C20orf144: variants seen among roughly 807,000 people sequenced by gnomAD.
C20orf144 encodes chromosome 20 open reading frame 144.
C20orf144 carries 8 observed loss-of-function variants against 3.8 expected under a neutral mutation model. The observed-to-expected ratio is 2.11, with a 90% CI of 1.24 to 3.80. C20orf144 has a LOEUF of 3.80. C20orf144 is among the 30% of genes most tolerant of loss of function. The probability of loss-of-function intolerance (pLI) is 0.00; values close to 1 mark genes in which losing one functional copy is unlikely to be tolerated. For synonymous variants in C20orf144, 126 were observed against 104.1 expected, an observed-to-expected ratio of 1.21 and a Z score of -1.28; for missense variants, 289 against 224.5, an observed-to-expected ratio of 1.29 and a Z score of -1.83.
At position 33,663,561 on chromosome 20, in the gene C20orf144, C is replaced by G; in HGVS notation, c.156C>G (p.Asp52Glu). 1 of 1,611,184 alleles carries G rather than the reference C, an allele frequency of 6.2e-7. No homozygotes were observed. Among genetic ancestry groups the G allele is most frequent in the Non-Finnish European group, 8.5e-7 (1 of 1,179,640 alleles). ...ATRIVLILPL[D>E]KRQPLANAGQ... Reference sequence around the variant, plus strand: ...GGATCGTGCTGATTCTCCCCCTGGACAAGCGGCAGCCGCTGGCCAACGCTG... The same window carrying G: ...GGATCGTGCTGATTCTCCCCCTGGAGAAGCGGCAGCCGCTGGCCAACGCTG... The change falls in exon 2 of 2, where the codon GAC becomes GAG. Residue 52 changes from aspartate to glutamate, a missense_variant. Transcript: ENST00000375222.
intron 1 of C20orf144, chr20:33,663,329 G>A (rs767925983): frequency 6.9e-6 from 4 of 577,298 alleles, no homozygotes; most frequent in South Asian, 4.3e-5. Flanking sequence ...GGAGTCCGGG[G>A]CGCCACGCAG....
chr20:33,663,185 G>A (rs148760149), intron 1 of C20orf144, among the ~76,000 whole-genome samples: 68 of 152,332 alleles, frequency 4.5e-4, no homozygotes, highest in African/African-American at 1.5e-3. Context: ...CAAATGAGCA[G>A]AAGCCCTGGA....
intron 1 of C20orf144, chr20:33,662,771 C>T (rs951421990): frequency 6.3e-6 from 2 of 318,436 alleles, no homozygotes; most frequent in Non-Finnish European, 1.2e-5. Flanking sequence ...GAGGCCCCAT[C>T]TCTACAAAAA....
chr20:33,662,638 C>T, intron 1 of C20orf144, 167 bp downstream of exon 1: 1 of 801,720 alleles, frequency 1.2e-6, no homozygotes, highest in East Asian at 2.8e-5. Flanking sequence ...TCCCAGGAGC[C>T]CATATGGGTG....
chr20:33,662,711 G>T, intron 1 of C20orf144: 1 of 486,636 alleles, frequency 2.1e-6, no homozygotes, highest in East Asian at 3.7e-5. Context: ...AGGCCAAGGT[G>T]GGTGGATAAC....
At chr20:33,663,473 C>A in intron 1 of C20orf144, 59 bp from the exon 2 acceptor site, 1 of 1,537,842 alleles carries the variant, frequency 6.5e-7, no homozygotes, top group East Asian at 2.5e-5. Flanking sequence ...GGAGCGGCCC[C>A]GGGTCGTGGG....
Position 33,663,708 on chromosome 20 carries a change from G to A in C20orf144, c.303G>A (p.Arg101=), listed in dbSNP as rs1008078035. 4.6e-6 allele frequency: 7 copies of A among 1,535,768 alleles called. No homozygotes were observed. The highest frequency in any genetic ancestry group is 1.8e-5 in the African/African-American group (1 of 56,516). ...PRMPVLLLLR[R]QEARRPEEGG... ...TGCCGGTACTGCTGCTGCTGCGGCG[G>A]CAAGAGGCGCGGCGGCCGGAAGAGG... The change falls in exon 2 of 2, where the codon CGG becomes CGA. Residue 101 remains arginine, a synonymous_variant. Transcript: ENST00000375222.
Position 33,663,612 on chromosome 20 carries a change from C to A in C20orf144, c.207C>A (p.Gly69=). The A allele has an allele frequency of 6.2e-7, 1 of 1,610,578 alleles. No individual in the cohort carries two copies. The highest frequency in any genetic ancestry group is 1.7e-5 in the Admixed American group (1 of 59,982). ...GGCAACGGATTGACTACGCGTCCGG[C>A]GCTGGGCTGGGCTCCCCGGCGGCAC... is the stretch of plus-strand genomic sequence containing the variant. ...NAGQRIDYAS[G]AGLGSPAAPR... The change falls in exon 2 of 2, where the codon GGC becomes GGA. Residue 69 remains glycine, a synonymous_variant. Coordinates refer to ENST00000375222, the MANE Select transcript of C20orf144 (RefSeq NM_080825.4).
chr20:33,662,416 T>G lies in C20orf144; in HGVS notation c.71T>G (p.Met24Arg). Residue 24 changes from methionine to arginine, a missense_variant, in exon 1 of 2, where the codon ATG becomes AGG. Physicochemically the swap from Met to Arg is moderately conservative, Grantham distance 91 (BLOSUM62 -1). Transcript: ENST00000375222. ...KQARKERPAD[M>R]DKAWWKSFLN... ...GCCCGCAAGGAGAGGCCGGCTGACA[T>G]GGACAAGGCCTGGTGGAAATCGTTC... The G allele has an allele frequency of 6.4e-7, 1 of 1,551,602 alleles. No homozygotes were observed. Among genetic ancestry groups the G allele is most frequent in the Non-Finnish European group, 8.7e-7 (1 of 1,147,198 alleles).
In C20orf144 at chr20:33,663,768, G is replaced by C. The variant is rs938258147; in HGVS notation, c.363G>C (p.Leu121=). ...GGGCAGCTCTGAGCTGGCCGCGGCTGCTCTCGCGCTTCCGGTCCCCGGGGA... is the reference window on the plus strand; with the variant it reads ...GGGCAGCTCTGAGCTGGCCGCGGCTCCTCTCGCGCTTCCGGTCCCCGGGGA... ...GARAALSWPR[L]LSRFRSPGKA... Residue 121 remains leucine, a synonymous_variant, in exon 2 of 2, where the codon CTG becomes CTC. Coordinates refer to ENST00000375222, the MANE Select transcript of C20orf144 (RefSeq NM_080825.4). The C allele has an allele frequency of 6.9e-7, 1 of 1,442,132 alleles. No individual in the cohort carries two copies. The highest frequency in any genetic ancestry group is 9.0e-7 in the Non-Finnish European group (1 of 1,106,336). 89.3% of individuals were successfully genotyped at this position (1,442,132 alleles called of 1,614,324 possible).
At chr20:33,663,265 G>T (rs762174279) in intron 1 of C20orf144, 1 of 539,282 alleles carries the variant, frequency 1.9e-6, no homozygotes, top group Non-Finnish European at 3.3e-6. Context: ...AACTTAGACG[G>T]AGCTGGTCTC....
chr20:33,662,581 C>G, intron 1 of C20orf144, 110 bp downstream of exon 1: 1 of 1,272,210 alleles, frequency 7.9e-7, no homozygotes, highest in Non-Finnish European at 1.1e-6. Context: ...ATGCAGAAGT[C>G]CTAGGGGGTG....
chr20:33,663,844 C>T lies in C20orf144; in HGVS notation c.439C>T (p.Arg147Cys), dbSNP rs1460916194. ...CGAGGAGCAGCCGCGCAAACGGTGC[C>T]GCTGCCCTCGCCCGCAGCTTTAAAC... ...PAEEQPRKRC[R>C]CPRPQL Residue 147 changes from arginine (R) to cysteine (C), a missense_variant, in exon 2 of 2, where the codon CGC becomes TGC. Coordinates refer to ENST00000375222, the MANE Select transcript of C20orf144 (RefSeq NM_080825.4). 4.3e-6 allele frequency: 6 copies of T among 1,407,020 alleles called. No individual in the cohort carries two copies. In the East Asian group the frequency reaches 1.2e-4, roughly 28 times the overall value. 87.2% of individuals were successfully genotyped at this position (1,407,020 alleles called of 1,614,324 possible).
rs770725346 is a variant in C20orf144, at chr20:33,663,707, G to A, written c.302G>A (p.Arg101Gln). The A allele has an allele frequency of 8.5e-6, 13 of 1,538,142 alleles. No individual in the cohort carries two copies. The highest frequency in any genetic ancestry group is 2.0e-4 in the Middle Eastern group (1 of 4,880). ...ATGCCGGTACTGCTGCTGCTGCGGC[G>A]GCAAGAGGCGCGGCGGCCGGAAGAG... is the stretch of plus-strand genomic sequence containing the variant. The part of the protein sequence containing the change: ...PRMPVLLLLR[R>Q]QEARRPEEGG... The change falls in exon 2 of 2, where the codon CGG becomes CAG. Residue 101 changes from arginine to glutamine, a missense_variant. Coordinates refer to ENST00000375222, the MANE Select transcript of C20orf144 (RefSeq NM_080825.4).
chr20:33,662,561 T>C lies in C20orf144; in HGVS notation c.126+90T>C, dbSNP rs2017514100. On this transcript the variant is annotated intron_variant, in intron 1 of 1. Transcript: ENST00000375222. ...TGGGTGGGAAGGGATGCTGGGAGTC[T>C]AGGCCTTGTATGCAGAAGTCCTAGG... 9 of 1,419,936 alleles carry C rather than the reference T, an allele frequency of 6.3e-6. No individual in the cohort carries two copies. In the East Asian group the frequency reaches 1.7e-4, roughly 28 times the overall value. The allele number at this position is 1,419,936 out of a possible 1,614,324, so 88.0% of individuals were successfully genotyped here. A position where few individuals can be genotyped will look rare whatever the true frequency, so the allele number is the denominator to read the frequency against.
chr20:33,663,581 A>G lies in C20orf144; in HGVS notation c.176A>G (p.Asn59Ser), dbSNP rs1158234636. ...LPLDKRQPLA[N>S]AGQRIDYASG... ...CTGGACAAGCGGCAGCCGCTGGCCA[A>G]CGCTGGGCAACGGATTGACTACGCG... is the stretch of plus-strand genomic sequence containing the variant. Residue 59 changes from asparagine (N) to serine (S), a missense_variant, in exon 2 of 2, where the codon AAC (asparagine) becomes AGC (serine). Coordinates refer to ENST00000375222, the MANE Select transcript of C20orf144 (RefSeq NM_080825.4). The G allele has an allele frequency of 3.1e-6, 5 of 1,611,422 alleles. No individual in the cohort carries two copies. In the South Asian group the frequency reaches 4.4e-5, roughly 14 times the overall value.
chr20:33,663,480 T>C, intron 1 of C20orf144, 52 bp from the exon 2 acceptor site: 1 of 1,549,092 alleles, frequency 6.5e-7, no homozygotes, highest in Non-Finnish European at 8.7e-7. Context: ...CCCCGGGTCG[T>C]GGGCTCGGCC....
intron 1 of C20orf144, chr20:33,662,858 CAGG>C: frequency 4.8e-6 from 1 of 208,684 alleles, no homozygotes; most frequent in Non-Finnish European, 9.9e-6. Flanking sequence ...TACGTGAGCC[CAGG>C]AGGTCAGGGA....
At position 33,663,796 on chromosome 20, in the gene C20orf144, G is replaced by T; in HGVS notation, c.391G>T (p.Ala131Ser). Reference sequence around the variant, plus strand: ...CTCGCGCTTCCGGTCCCCGGGGAAGGCTCCCCGCGAAGCCGGCCCCGCCGA... The same window carrying T: ...CTCGCGCTTCCGGTCCCCGGGGAAGTCTCCCCGCGAAGCCGGCCCCGCCGA... ...LLSRFRSPGK[A>S]PREAGPAEEQ... The change falls in exon 2 of 2, where the codon GCT (alanine) becomes TCT (serine). Residue 131 changes from alanine to serine, a missense_variant. Ala to Ser is a moderately conservative substitution (Grantham distance 99). Transcript: ENST00000375222. 1 of 1,421,480 alleles carries T rather than the reference G, an allele frequency of 7.0e-7. No homozygotes were observed. Among genetic ancestry groups the T allele is most frequent in the Non-Finnish European group, 9.1e-7 (1 of 1,098,166 alleles). The allele number at this position is 1,421,480 out of a possible 1,614,324, so 88.1% of individuals were successfully genotyped here.
Sources: gnomAD v4.1 joint callset for allele counts (sites outside exome capture counted in the v4.1 genomes callset) on GRCh38, gnomAD v4.1.1 for gene constraint, MANE v1.5 for transcripts, NCBI Gene and HGNC (gene_info 2026-07-23, HGNC 2026-07-21) for gene names.